Variants in SPOCK1 observed in about 807,000 individuals in gnomAD.
The protein encoded by SPOCK1 is testican-1.
SPOCK1 carries 23 observed loss-of-function variants against 55.3 expected under a neutral mutation model. The observed-to-expected ratio is 0.42, with a 90% CI of 0.30 to 0.59. The LOEUF is 0.59. Ranked by LOEUF, SPOCK1 falls within the 20% of genes least tolerant of loss-of-function variation. The probability of loss-of-function intolerance (pLI) is 0.22; values close to 1 mark genes in which losing one functional copy is unlikely to be tolerated. For synonymous variants in SPOCK1, 226 were observed against 221.0 expected (o/e 1.02, Z -0.20); for missense variants, 499 against 552.5 (o/e 0.90, Z 0.97).
In SPOCK1 at chr5:137,451,517, A is replaced by G. The variant is rs574340165; in HGVS notation, c.186+46856T>C. ...CATTAAGCATAAACAGACTCTTGAA[A>G]TCTACCTCAAAGTAATATGAAAGAT... On this transcript the variant is annotated intron_variant, in intron 2 of 10. Transcript: ENST00000394945. 4.6e-5 allele frequency among the ~76,000 whole-genome samples: 7 copies of G among 152,340 alleles called. No homozygotes were observed. In the East Asian group the frequency reaches 1.4e-3, roughly 29 times the overall value.
chr5:137,131,997 T>A lies in SPOCK1; in HGVS notation c.347+8583A>T, dbSNP rs1440187970. Among the ~76,000 whole-genome samples, 233 of 47,106 alleles carry A rather than the reference T, an allele frequency of 4.9e-3. 1 individual carries two copies. Among genetic ancestry groups the A allele is most frequent in the African/African-American group, 0.016 (137 of 8,596 alleles). 30.9% of individuals were successfully genotyped at this position (47,106 alleles called of 152,430 possible). A position where few individuals can be genotyped will look rare whatever the true frequency, so the allele number is the denominator to read the frequency against. On this transcript the variant is annotated intron_variant, in intron 4 of 10. Coordinates refer to ENST00000394945, the MANE Select transcript of SPOCK1 (RefSeq NM_004598.4). ...AAAAAAAAAAAAAAAAAAATATATATATATATATATATATATATATATAAA... is the reference window on the plus strand; with the variant it reads ...AAAAAAAAAAAAAAAAAAATATATAAATATATATATATATATATATATAAA...
intron 4 of SPOCK1, among the ~76,000 whole-genome samples, chr5:137,131,070 G>A (rs188450862): frequency 1.3e-4 from 20 of 152,240 alleles, no homozygotes; most frequent in Admixed American, 2.6e-4. Flanking sequence ...CAAGGCCAGC[G>A]CCCCCGATGG....
chr5:137,077,414 C>T (rs577318968), intron 5 of SPOCK1, among the ~76,000 whole-genome samples: 14 of 152,320 alleles, frequency 9.2e-5, no homozygotes, highest in Admixed American at 5.9e-4. Context: ...GCCCTGCTGG[C>T]GGCTGTGTGG....
intron 2 of SPOCK1, among the ~76,000 whole-genome samples, chr5:137,487,440 C>T (rs1445888130): frequency 6.6e-6 from 1 of 152,064 alleles, no homozygotes; most frequent in Non-Finnish European, 1.5e-5. Flanking sequence ...TCTCAGACTC[C>T]CTCTGTGGTT....
intron 3 of SPOCK1, among the ~76,000 whole-genome samples, chr5:137,220,438 C>T (rs1262234644): frequency 6.6e-6 from 1 of 152,148 alleles, no homozygotes; most frequent in Non-Finnish European, 1.5e-5. Context: ...TTATCACACG[C>T]AAGGAACTGT....
At chr5:137,365,670 T>C (rs570528625) in intron 2 of SPOCK1, among the ~76,000 whole-genome samples, 1 of 152,182 alleles carries the variant, frequency 6.6e-6, no homozygotes, top group Non-Finnish European at 1.5e-5. Flanking sequence ...ATGTTAATCA[T>C]TCCACTCTCG....
At chr5:137,077,977 G>A (rs1419944518) in intron 5 of SPOCK1, among the ~76,000 whole-genome samples, 2 of 151,916 alleles carry the variant, frequency 1.3e-5, no homozygotes, top group Admixed American at 1.3e-4. Context: ...GGGTAAGAAA[G>A]GAAAGAACAC....
chr5:137,454,824 C>T (rs990697763), intron 2 of SPOCK1, among the ~76,000 whole-genome samples: 1 of 152,300 alleles, frequency 6.6e-6, no homozygotes, highest in South Asian at 2.1e-4. Context: ...ACCAAGAATG[C>T]TGTCAAATCA....
intron 2 of SPOCK1, among the ~76,000 whole-genome samples, chr5:137,352,133 C>A (rs933501100): frequency 3.9e-5 from 6 of 152,150 alleles, no homozygotes; most frequent in Non-Finnish European, 5.9e-5. Context: ...CCAGACTTGC[C>A]AGCCTGTTTA....
intron 6 of SPOCK1, 28 bp from the exon 7 acceptor site, chr5:136,992,628 T>C: frequency 6.4e-7 from 1 of 1,574,134 alleles, no homozygotes; most frequent in Non-Finnish European, 8.7e-7. Flanking sequence ...GAACAGACAA[T>C]GGGGCTGGGG....
chr5:137,008,297 C>T (rs868428721), intron 6 of SPOCK1, among the ~76,000 whole-genome samples: 1 of 133,028 alleles, frequency 7.5e-6, no homozygotes, highest in South Asian at 2.3e-4. Flanking sequence ...ATAATAAATA[C>T]ACACACACAC....
At chr5:137,171,526 T>C (rs1301694984) in intron 3 of SPOCK1, among the ~76,000 whole-genome samples, 1 of 152,174 alleles carries the variant, frequency 6.6e-6, no homozygotes, top group East Asian at 1.9e-4. Flanking sequence ...GCTCTGTAAA[T>C]GTCTGCTGGA....
In SPOCK1 at chr5:137,443,452, T is replaced by G. The variant is rs143079809; in HGVS notation, c.186+54921A>C. ...TCTTCTTCTGTGACACCACTCCCCC[T>G]GAACAGTAGCATCCACACTGATGGA... is the stretch of plus-strand genomic sequence containing the variant. On this transcript the variant is annotated intron_variant, in intron 2 of 10. Transcript: ENST00000394945. 2.8e-4 allele frequency among the ~76,000 whole-genome samples: 42 copies of G among 152,270 alleles called. 1 individual carries two copies. In the South Asian group the frequency reaches 4.4e-3, roughly 16 times the overall value.
At chr5:137,406,640 A>G (rs1230057120) in intron 2 of SPOCK1, among the ~76,000 whole-genome samples, 3 of 152,210 alleles carry the variant, frequency 2.0e-5, no homozygotes, top group Non-Finnish European at 4.4e-5. Flanking sequence ...AATAAGTGCA[A>G]TGCACACATT....
chr5:137,343,476 G>A (rs368404851), intron 2 of SPOCK1, among the ~76,000 whole-genome samples: 2 of 152,174 alleles, frequency 1.3e-5, no homozygotes, highest in East Asian at 1.9e-4. Context: ...AAGGGCAGAC[G>A]CTTCCCCAGG....
chr5:137,191,339 C>T (rs533230863), intron 3 of SPOCK1, among the ~76,000 whole-genome samples: 39 of 151,744 alleles, frequency 2.6e-4, no homozygotes, highest in African/African-American at 8.8e-4. Context: ...TCTCCATTCT[C>T]TTTTTTCATA....
intron 2 of SPOCK1, among the ~76,000 whole-genome samples, chr5:137,404,713 G>A (rs1455276634): frequency 6.6e-6 from 1 of 151,842 alleles, no homozygotes; most frequent in East Asian, 1.9e-4. Context: ...CACCGCACCT[G>A]GCCTAAAATA....
chr5:137,380,029 T>G (rs993521568), intron 2 of SPOCK1, among the ~76,000 whole-genome samples: 7 of 152,238 alleles, frequency 4.6e-5, no homozygotes, highest in Non-Finnish European at 8.8e-5. Context: ...TTCATCATTC[T>G]CCTTTTTTCC....
intron 2 of SPOCK1, among the ~76,000 whole-genome samples, chr5:137,291,603 C>T (rs1210130277): frequency 2.6e-5 from 4 of 152,150 alleles, no homozygotes; most frequent in East Asian, 1.9e-4. Context: ...CAGGCTAGAA[C>T]CAAATGCAGC....
Sources: allele counts gnomAD v4.1 joint callset (sites outside exome capture counted in the v4.1 genomes callset), GRCh38; gene constraint gnomAD v4.1.1; transcripts MANE v1.5; gene names NCBI Gene and HGNC (gene_info 2026-07-23, HGNC 2026-07-21).